Variants in MON2 observed in about 807,000 individuals in gnomAD.
The protein encoded by MON2 is MON2 regulator of endosome-to-Golgi trafficking.
A neutral mutation model predicts 208.6 loss-of-function variants in MON2; 84 were observed. The ratio of observed to expected loss-of-function variants is 0.40; its 90% CI spans 0.34 to 0.48. The LOEUF is 0.48. Among genes scored for constraint, MON2 ranks in the 20% least tolerant of loss-of-function variants. MON2 has a pLI of 0.59. For missense variants in MON2, 1,611 were observed against 2,015.4 expected (o/e 0.80, Z 3.84); for synonymous variants, 660 against 694.0 (o/e 0.95, Z 0.77).
At chr12:62,476,395 T>C (rs2069083640) in intron 1 of MON2, among the ~76,000 whole-genome samples, 1 of 152,080 alleles carries the variant, frequency 6.6e-6, no homozygotes, top group Non-Finnish European at 1.5e-5. Flanking sequence ...TGTGTCTCAT[T>C]AGTATATTAT....
rs1306911340 is a variant in MON2 at position 62,600,272 on chromosome 12, C to G, written c.*7523C>G. 1.3e-5 allele frequency: 2 copies of G among 152,232 alleles called. No homozygotes were observed. Among genetic ancestry groups the G allele is most frequent in the Non-Finnish European group, 2.9e-5 (2 of 68,040 alleles). 9.4% of individuals were successfully genotyped at this position (152,232 alleles called of 1,614,324 possible). A position where few individuals can be genotyped will look rare whatever the true frequency, so the allele number is the denominator to read the frequency against. ...AGAATGGCCAGAAAATCCATGTCTT[C>G]CCACAATAGGGACCAATTTTTTGCC... is the stretch of plus-strand genomic sequence containing the variant. On this transcript the variant is annotated 3_prime_UTR_variant, in exon 35 of 35. Coordinates refer to ENST00000393630, the MANE Select transcript of MON2 (RefSeq NM_015026.3).
At chr12:62,539,008 A>G (rs1197317312) in intron 19 of MON2, among the ~76,000 whole-genome samples, 1 of 152,102 alleles carries the variant, frequency 6.6e-6, no homozygotes, top group Non-Finnish European at 1.5e-5. Flanking sequence ...GTACTTTTGA[A>G]TATTAACATT....
At chr12:62,551,026 T>C (rs575273443) in intron 23 of MON2, among the ~76,000 whole-genome samples, 17 of 151,568 alleles carry the variant, frequency 1.1e-4, no homozygotes, top group African/African-American at 4.1e-4. Flanking sequence ...TTCAAGTGAT[T>C]CTCCTGCCTC....
intron 10 of MON2, among the ~76,000 whole-genome samples, chr12:62,525,641 A>C (rs2072291663): frequency 6.6e-6 from 1 of 152,134 alleles, no homozygotes; most frequent in Non-Finnish European, 1.5e-5. Flanking sequence ...TCCACTTTGT[A>C]CTGAGTGATG....
Position 62,535,795 on chromosome 12 carries a change from C to T in MON2, c.1900+86C>T, listed in dbSNP as rs980341678. 14 of 1,069,870 alleles carry T rather than the reference C, an allele frequency of 1.3e-5. No homozygotes were observed. In the East Asian group the frequency reaches 3.1e-4, roughly 24 times the overall value. The allele number at this position is 1,069,870 out of a possible 1,614,324, so 66.3% of individuals were successfully genotyped here. A position where few individuals can be genotyped will look rare whatever the true frequency, so the allele number is the denominator to read the frequency against. Reference sequence around the variant, plus strand: ...ATTATAAACATCTGAGTTTAAGTCTCTGCTTTTTCACATACTGACTGTGTG... The same window carrying T: ...ATTATAAACATCTGAGTTTAAGTCTTTGCTTTTTCACATACTGACTGTGTG... On this transcript the variant is annotated intron_variant, in intron 14 of 34. Transcript: ENST00000393630.
intron 7 of MON2, among the ~76,000 whole-genome samples, chr12:62,507,945 T>G (rs576587364): frequency 5.9e-4 from 89 of 152,082 alleles, no homozygotes; most frequent in African/African-American, 2.1e-3. Context: ...ATTTTTTAAT[T>G]TTTTTTGTAG....
intron 2 of MON2, among the ~76,000 whole-genome samples, chr12:62,484,511 C>T (rs1410221700): frequency 6.6e-6 from 1 of 152,192 alleles, no homozygotes; most frequent in Non-Finnish European, 1.5e-5. Context: ...TCGCATTCTC[C>T]TCCACTTCCT....
At chr12:62,471,356 G>A (rs2068780540) in intron 1 of MON2, among the ~76,000 whole-genome samples, 1 of 152,008 alleles carries the variant, frequency 6.6e-6, no homozygotes, top group South Asian at 2.1e-4. Flanking sequence ...CTAATTTTTT[G>A]TATTTTTAAT....
intron 8 of MON2, among the ~76,000 whole-genome samples, chr12:62,518,598 A>G (rs2071827134): frequency 6.6e-6 from 1 of 152,008 alleles, no homozygotes; most frequent in Non-Finnish European, 1.5e-5. Context: ...AACATTCTCC[A>G]TATTTTGACC....
chr12:62,591,750 A>T (rs2075404486), intron 34 of MON2, among the ~76,000 whole-genome samples: 1 of 152,228 alleles, frequency 6.6e-6, no homozygotes, highest in Non-Finnish European at 1.5e-5. Context: ...AATTTTAGGC[A>T]ATTGACACCC....
chr12:62,516,640 G>T (rs896598840), intron 8 of MON2, among the ~76,000 whole-genome samples: 5 of 152,160 alleles, frequency 3.3e-5, no homozygotes, highest in African/African-American at 1.2e-4. Flanking sequence ...GGAGGCGGAG[G>T]TTGCGGCGAG....
At chr12:62,469,564 A>G (rs900470134) in intron 1 of MON2, among the ~76,000 whole-genome samples, 2 of 152,198 alleles carry the variant, frequency 1.3e-5, no homozygotes, top group African/African-American at 4.8e-5. Context: ...GGAATTGAAA[A>G]ATGATCTTGA....
chr12:62,574,896 G>C (rs553071405), intron 30 of MON2, among the ~76,000 whole-genome samples: 1 of 152,232 alleles, frequency 6.6e-6, no homozygotes, highest in Non-Finnish European at 1.5e-5. Flanking sequence ...GGCCAAGTTG[G>C]GTGGATTGCT....
chr12:62,572,446 T>C (rs891051342), intron 30 of MON2, among the ~76,000 whole-genome samples: 1 of 152,174 alleles, frequency 6.6e-6, no homozygotes, highest in Admixed American at 6.5e-5. Context: ...TTGTGTTACA[T>C]TGGTGAAATT....
chr12:62,501,443 T>C, intron 6 of MON2, 130 bp from the exon 7 acceptor site: 1 of 991,652 alleles, frequency 1.0e-6, no homozygotes, highest in South Asian at 1.8e-5. Flanking sequence ...GAATTACCAG[T>C]GCTTAGTTTC....
At chr12:62,574,440 G>T (rs1442155354) in intron 30 of MON2, among the ~76,000 whole-genome samples, 1 of 152,082 alleles carries the variant, frequency 6.6e-6, no homozygotes, top group African/African-American at 2.4e-5. Flanking sequence ...GAAGTCGCAT[G>T]TTCATGGCTC....
intron 7 of MON2, among the ~76,000 whole-genome samples, 163 bp from the exon 8 acceptor site, chr12:62,508,123 T>C (rs2071198750): frequency 6.6e-6 from 1 of 152,188 alleles, no homozygotes; most frequent in Non-Finnish European, 1.5e-5. Flanking sequence ...ATTTCAAAAT[T>C]GTGCGTAAAC....
chr12:62,519,195 C>T (rs928780112), intron 8 of MON2, among the ~76,000 whole-genome samples: 21 of 152,152 alleles, frequency 1.4e-4, no homozygotes, highest in Admixed American at 1.3e-3. Flanking sequence ...TGTTCCAGAG[C>T]AGAAAGGCAC....
At chr12:62,540,588 T>A (rs997569863) in intron 19 of MON2, among the ~76,000 whole-genome samples, 3 of 152,154 alleles carry the variant, frequency 2.0e-5, no homozygotes, top group Non-Finnish European at 2.9e-5. Context: ...AGTAGTGCAA[T>A]TTCAGAGAGT....
Sources: allele counts gnomAD v4.1 joint callset (sites outside exome capture counted in the v4.1 genomes callset), GRCh38; gene constraint gnomAD v4.1.1; transcripts MANE v1.5; gene names NCBI Gene and HGNC (gene_info 2026-07-23, HGNC 2026-07-21).